Variants in MBD5 observed in about 807,000 individuals in gnomAD.
The protein encoded by MBD5 is methyl-CpG binding domain protein 5.
A neutral mutation model predicts 117.3 loss-of-function variants in MBD5; 13 were observed. The observed-to-expected ratio is 0.11, with a 90% CI of 0.07 to 0.18. MBD5 has a LOEUF of 0.18. MBD5 is among the 10% of genes least tolerant of loss of function. The probability of loss-of-function intolerance (pLI) is 1.00; values close to 1 mark genes in which losing one functional copy is unlikely to be tolerated. For synonymous variants in MBD5, 727 were observed against 766.4 expected, an observed-to-expected ratio of 0.95 and a Z score of 0.85; for missense variants, 1,879 against 2,093.8, an observed-to-expected ratio of 0.90 and a Z score of 2.00.
chr2:148,290,128 T>C (rs1365075936), intron 3 of MBD5, among the ~76,000 whole-genome samples: 1 of 149,278 alleles, frequency 6.7e-6, no homozygotes, highest in Non-Finnish European at 1.5e-5. Flanking sequence ...GCTAATTTTT[T>C]TGTATTTTTA....
intron 1 of MBD5, among the ~76,000 whole-genome samples, chr2:148,049,379 T>C (rs1694629166): frequency 6.6e-6 from 1 of 152,192 alleles, no homozygotes; most frequent in African/African-American, 2.4e-5. Context: ...ATTGTTATGC[T>C]GTGGTTTTGC....
intron 1 of MBD5, among the ~76,000 whole-genome samples, chr2:148,024,621 T>G (rs1311141286): frequency 6.6e-6 from 1 of 152,192 alleles, no homozygotes; most frequent in Non-Finnish European, 1.5e-5. Context: ...TGCCACAATT[T>G]TCACTATCAT....
intron 1 of MBD5, among the ~76,000 whole-genome samples, chr2:148,144,767 G>A (rs1030515210): frequency 2.0e-5 from 3 of 152,086 alleles, no homozygotes; most frequent in South Asian, 2.1e-4. Context: ...TAGATGTGTG[G>A]TATTATTTCT....
At chr2:148,182,544 A>C (rs998817817) in intron 2 of MBD5, among the ~76,000 whole-genome samples, 2 of 152,238 alleles carry the variant, frequency 1.3e-5, no homozygotes, top group Non-Finnish European at 2.9e-5. Flanking sequence ...CTAGCCTTCT[A>C]AAATGAGATG....
chr2:148,127,044 C>T (rs1427877819), intron 1 of MBD5, among the ~76,000 whole-genome samples: 3 of 148,012 alleles, frequency 2.0e-5, no homozygotes, highest in African/African-American at 7.5e-5. Flanking sequence ...GGCGCGATCT[C>T]GGCTCACTGC....
chr2:148,023,141 G>T (rs1693810244), intron 1 of MBD5, among the ~76,000 whole-genome samples: 1 of 147,710 alleles, frequency 6.8e-6, no homozygotes. Flanking sequence ...ATTTATGTCA[G>T]CAAAAAATAT....
chr2:148,480,480 T>C (rs775210797), intron 8 of MBD5, among the ~76,000 whole-genome samples: 7 of 152,134 alleles, frequency 4.6e-5, no homozygotes, highest in Non-Finnish European at 1.0e-4. Context: ...AAATATGTCA[T>C]TATTATTTAG....
intron 1 of MBD5, among the ~76,000 whole-genome samples, chr2:148,113,790 T>A (rs1696556260): frequency 6.6e-6 from 1 of 152,222 alleles, no homozygotes; most frequent in Non-Finnish European, 1.5e-5. Flanking sequence ...AATTTTCTGT[T>A]ACAAAGTAAT....
At chr2:148,042,410 T>C (rs1419308284) in intron 1 of MBD5, among the ~76,000 whole-genome samples, 2 of 152,076 alleles carry the variant, frequency 1.3e-5, no homozygotes, top group Non-Finnish European at 2.9e-5. Context: ...AAAAAATTTC[T>C]CACAGCTATG....
At chr2:148,361,934 A>G (rs758106263) in intron 4 of MBD5, among the ~76,000 whole-genome samples, 1 of 152,242 alleles carries the variant, frequency 6.6e-6, no homozygotes, top group Non-Finnish European at 1.5e-5. Flanking sequence ...AGACTGTGCC[A>G]TGCGGAACAG....
chr2:148,177,198 AT>A (rs1165665258), intron 1 of MBD5, among the ~76,000 whole-genome samples: 1 of 152,218 alleles, frequency 6.6e-6, no homozygotes, highest in Non-Finnish European at 1.5e-5. Flanking sequence ...CTCAAGAAGT[AT>A]TTACATAAAT....
chr2:148,304,317 A>C (rs1701840904), intron 3 of MBD5, among the ~76,000 whole-genome samples: 1 of 152,190 alleles, frequency 6.6e-6, no homozygotes, highest in Non-Finnish European at 1.5e-5. Context: ...AATTTGCACA[A>C]AAGTGCCACA....
At chr2:148,365,643 G>T (rs895948006) in intron 4 of MBD5, among the ~76,000 whole-genome samples, 1 of 151,996 alleles carries the variant, frequency 6.6e-6, no homozygotes, top group African/African-American at 2.4e-5. Flanking sequence ...TGATAAAGGG[G>T]CTATCACCAC....
chr2:148,246,851 A>G (rs1270971598), intron 3 of MBD5, among the ~76,000 whole-genome samples: 1 of 151,166 alleles, frequency 6.6e-6, no homozygotes, highest in Admixed American at 6.6e-5. Flanking sequence ...CTCTAGGTTT[A>G]CCAATATGAG....
At chr2:148,324,219 A>G (rs1449507362) in intron 3 of MBD5, among the ~76,000 whole-genome samples, 1 of 152,174 alleles carries the variant, frequency 6.6e-6, no homozygotes, top group Non-Finnish European at 1.5e-5. Flanking sequence ...TTTTGGTACC[A>G]GTACCATGCT....
chr2:148,179,077 G>A lies in MBD5; in HGVS notation c.-831+284G>A, dbSNP rs150768636. ...AAGAATAAAAAAGTAACTTCTGGCC[G>A]GGCGCGGTGGCTCACGCCTGTAATC... is the stretch of plus-strand genomic sequence containing the variant. On this transcript the variant is annotated intron_variant, in intron 2 of 13. Transcript: ENST00000642680. Among the ~76,000 whole-genome samples the A allele has an allele frequency of 3.3e-5, 5 of 152,218 alleles. No individual in the cohort carries two copies. In the East Asian group the frequency reaches 7.7e-4, roughly 24 times the overall value.
In MBD5 at chr2:148,184,519, C is replaced by T. The variant is rs191996440; in HGVS notation, c.-831+5726C>T. On this transcript the variant is annotated intron_variant, in intron 2 of 13. Coordinates refer to ENST00000642680, the MANE Select transcript of MBD5 (RefSeq NM_001378120.1). ...TATATTTTTGTACCTAATATTTCTG[C>T]GTGCTTCTTTGTTCTCTTGTTCTTA... Among the ~76,000 whole-genome samples, 20 of 152,220 alleles carry T rather than the reference C, an allele frequency of 1.3e-4. 1 individual carries two copies. Among genetic ancestry groups the T allele is most frequent in the African/African-American group, 3.6e-4 (15 of 41,538 alleles).
intron 2 of MBD5, among the ~76,000 whole-genome samples, chr2:148,228,341 G>A (rs1313543256): frequency 4.6e-5 from 7 of 152,066 alleles, no homozygotes; most frequent in African/African-American, 7.2e-5. Context: ...ATTTTGTCAA[G>A]GGCCTTTTCT....
chr2:148,076,579 C>T (rs1695516004), intron 1 of MBD5, among the ~76,000 whole-genome samples: 1 of 152,284 alleles, frequency 6.6e-6, no homozygotes, highest in South Asian at 2.1e-4. Flanking sequence ...GTCACACATT[C>T]AATCACAAGG....
Sources: allele counts gnomAD v4.1 joint callset (sites outside exome capture counted in the v4.1 genomes callset), GRCh38; gene constraint gnomAD v4.1.1; transcripts MANE v1.5; gene names NCBI Gene and HGNC (gene_info 2026-07-23, HGNC 2026-07-21).